Variants in ST3GAL1 observed in about 807,000 individuals in gnomAD.
ST3GAL1 encodes the protein ST3 beta-galactoside alpha-2,3-sialyltransferase 1, also known as CMP-N-acetylneuraminate-beta-galactosamide-alpha-2,3-sialyltransferase 1.
ST3GAL1 carries 16 observed loss-of-function variants against 34.1 expected under a neutral mutation model. That is an observed-to-expected ratio of 0.47 (90% confidence interval 0.32 to 0.71). The LOEUF (loss-of-function observed/expected upper bound fraction) is 0.71. Among genes scored for constraint, ST3GAL1 ranks in the 30% least tolerant of loss-of-function variants. The pLI, the probability that ST3GAL1 is intolerant of heterozygous loss-of-function variation, is 0.04. For synonymous variants in ST3GAL1, 191 were observed against 184.7 expected, an observed-to-expected ratio of 1.03 and a Z score of -0.28; for missense variants, 353 against 447.4, an observed-to-expected ratio of 0.79 and a Z score of 1.90.
chr8:133,520,732 A>T (rs1817779693), intron 2 of ST3GAL1, among the ~76,000 whole-genome samples: 1 of 150,464 alleles, frequency 6.6e-6, no homozygotes, highest in Non-Finnish European at 1.5e-5. Context: ...CTCAATGTGC[A>T]GTTTTGTGCC....
At chr8:133,525,718 G>A (rs903274453) in intron 2 of ST3GAL1, among the ~76,000 whole-genome samples, 4 of 152,146 alleles carry the variant, frequency 2.6e-5, no homozygotes, top group Non-Finnish European at 5.9e-5. Flanking sequence ...AGATGACAGG[G>A]GTCTGGCATG....
chr8:133,532,944 A>T (rs1336200126), intron 2 of ST3GAL1, among the ~76,000 whole-genome samples: 1 of 152,156 alleles, frequency 6.6e-6, no homozygotes, highest in Non-Finnish European at 1.5e-5. Context: ...ACTCTTTCCC[A>T]TATTCATTCG....
chr8:133,465,752 C>T (rs1033530082), intron 6 of ST3GAL1, 142 bp downstream of exon 6: 8 of 821,184 alleles, frequency 9.7e-6, no homozygotes, highest in Middle Eastern at 3.7e-4. Flanking sequence ...CCAGGGGGTG[C>T]AGTGTGGAGC....
At chr8:133,465,090 T>A in intron 6 of ST3GAL1, 133 bp from the exon 7 acceptor site, 1 of 827,610 alleles carries the variant, frequency 1.2e-6, no homozygotes, top group Non-Finnish European at 1.9e-6. Flanking sequence ...CTCCTTCTCC[T>A]CATCTGTAAA....
intron 2 of ST3GAL1, among the ~76,000 whole-genome samples, chr8:133,530,440 C>T (rs1278181012): frequency 2.0e-5 from 3 of 152,146 alleles, no homozygotes; most frequent in Admixed American, 6.5e-5. Context: ...TGCCACCACG[C>T]TGAGTTAATA....
At chr8:133,500,743 A>T (rs1817124103) in intron 2 of ST3GAL1, among the ~76,000 whole-genome samples, 1 of 152,180 alleles carries the variant, frequency 6.6e-6, no homozygotes, top group African/African-American at 2.4e-5. Context: ...TGCGTAAAGC[A>T]TGCTTGGCCT....
intron 2 of ST3GAL1, among the ~76,000 whole-genome samples, chr8:133,514,133 C>T (rs1817577265): frequency 6.6e-6 from 1 of 152,140 alleles, no homozygotes; most frequent in Non-Finnish European, 1.5e-5. Context: ...TGAAGAAATG[C>T]ACACAACCAA....
chr8:133,496,582 A>G (rs1816952175), intron 3 of ST3GAL1, among the ~76,000 whole-genome samples: 2 of 152,176 alleles, frequency 1.3e-5, no homozygotes, highest in Admixed American at 1.3e-4. Context: ...CAGAGTCTCC[A>G]GGAGGGGGCG....
chr8:133,533,141 C>G (rs779222209), intron 2 of ST3GAL1, among the ~76,000 whole-genome samples: 1 of 152,140 alleles, frequency 6.6e-6, no homozygotes, highest in Non-Finnish European at 1.5e-5. Context: ...CTTCTAGTCC[C>G]CCAGCGCCCC....
rs1162502256 is a variant in ST3GAL1 at position 133,465,781 on chromosome 8, T to C, written c.503+113A>G. 3.3e-6 allele frequency: 4 copies of C among 1,229,422 alleles called. No homozygotes were observed. In the East Asian group the frequency reaches 9.6e-5, roughly 29 times the overall value. The allele number at this position is 1,229,422 out of a possible 1,614,324, so 76.2% of individuals were successfully genotyped here. ...GTGGAGCCTGGGGTCCCTGGGTAAG[T>C]TCAGTCCCAGGACTGAACCTTGCCT... is the stretch of plus-strand genomic sequence containing the variant. On this transcript the variant is annotated intron_variant, in intron 6 of 9. Transcript: ENST00000522652.
At chr8:133,541,051 A>T (rs1168368194) in intron 2 of ST3GAL1, among the ~76,000 whole-genome samples, 2 of 102,508 alleles carry the variant, frequency 2.0e-5, no homozygotes, top group African/African-American at 1.0e-4. Flanking sequence ...AGACATATAT[A>T]TAGACATATA....
intron 2 of ST3GAL1, among the ~76,000 whole-genome samples, chr8:133,517,898 G>T (rs951061355): frequency 3.3e-5 from 5 of 152,320 alleles, no homozygotes; most frequent in Middle Eastern, 3.4e-3. Flanking sequence ...AAAAGGTGGG[G>T]AAGATCCAGG....
chr8:133,564,546 A>ACACACACACACACACACT (rs1819337062), intron 1 of ST3GAL1, among the ~76,000 whole-genome samples: 2 of 152,020 alleles, frequency 1.3e-5, no homozygotes, highest in African/African-American at 4.8e-5. Flanking sequence ...ACACACACAC[A>ACACACACACACACACACT]CACACACAGA....
At chr8:133,504,125 T>A (rs1817263748) in intron 2 of ST3GAL1, among the ~76,000 whole-genome samples, 1 of 152,088 alleles carries the variant, frequency 6.6e-6, no homozygotes, top group African/African-American at 2.4e-5. Flanking sequence ...AGGGAGGGCA[T>A]CTGGAGAGTC....
chr8:133,504,375 G>T (rs759685379), intron 2 of ST3GAL1, among the ~76,000 whole-genome samples: 1 of 152,160 alleles, frequency 6.6e-6, no homozygotes, highest in Non-Finnish European at 1.5e-5. Context: ...TGCTCTTGTG[G>T]GTGGATTTAC....
intron 2 of ST3GAL1, among the ~76,000 whole-genome samples, chr8:133,521,952 C>A (rs1817823799): frequency 6.6e-6 from 1 of 152,116 alleles, no homozygotes; most frequent in South Asian, 2.1e-4. Context: ...TTATACTTTT[C>A]TCTGTTTTCA....
At chr8:133,492,126 T>G (rs1380418689) in intron 3 of ST3GAL1, among the ~76,000 whole-genome samples, 2 of 152,046 alleles carry the variant, frequency 1.3e-5, no homozygotes, top group Non-Finnish European at 2.9e-5. Flanking sequence ...CTGGGCAGCT[T>G]GGACCAGCAG....
rs1378450154 is a variant in ST3GAL1, at chr8:133,556,352, T to TC, written c.-581-10427dup. ...CCTGGTGACTCCAGAGCCTGTCTTC[T>TC]CCCCCTGGCCTTGGCCTCCTGGACA... On this transcript the variant is annotated intron_variant, in intron 1 of 9. Coordinates refer to ENST00000522652, the MANE Select transcript of ST3GAL1 (RefSeq NM_173344.3). This position sits in a 1 kb window ranked among gnomAD's most constrained non-coding sequence, Gnocchi z 8.9. Among the ~76,000 whole-genome samples, 1 of 152,156 alleles carries TC rather than the reference T, an allele frequency of 6.6e-6. No homozygotes were observed. Among genetic ancestry groups the TC allele is most frequent in the African/African-American group, 2.4e-5 (1 of 41,438 alleles).
At chr8:133,463,359 AG>A in intron 8 of ST3GAL1, 54 bp downstream of exon 8, 1 of 1,600,016 alleles carries the variant, frequency 6.2e-7, no homozygotes, top group Non-Finnish European at 8.6e-7. Flanking sequence ...CTTAGAGCAG[AG>A]CCTTAGATGA....
Sources: gnomAD v4.1 joint callset for allele counts (sites outside exome capture counted in the v4.1 genomes callset) on GRCh38, gnomAD v4.1.1 for gene constraint, Gnocchi (gnomAD v3.1) non-coding constraint, MANE v1.5 for transcripts, NCBI Gene and HGNC (gene_info 2026-07-23, HGNC 2026-07-21) for gene names.